The following DHX15 variants were observed in gnomAD, a reference collection of about 807,000 sequenced individuals.
DHX15 encodes the protein DEAH-box helicase 15, also known as ATP-dependent RNA helicase DHX15.
DHX15 carries 11 observed loss-of-function variants against 94.4 expected under a neutral mutation model. That is an observed-to-expected ratio of 0.12 (90% CI 0.07 to 0.19). The LOEUF is 0.19. Ranked by LOEUF, DHX15 falls within the 10% of genes least tolerant of loss-of-function variation. The pLI, the probability that DHX15 is intolerant of heterozygous loss-of-function variation, is 1.00. For missense variants in DHX15, 304 were observed against 988.5 expected (o/e 0.31, Z 9.29); for synonymous variants, 338 against 329.9 (o/e 1.02, Z -0.27).
chr4:24,553,901 C>T (rs1039975630), intron 5 of DHX15, among the ~76,000 whole-genome samples: 1 of 151,966 alleles, frequency 6.6e-6, no homozygotes, highest in Non-Finnish European at 1.5e-5. Flanking sequence ...CACCTATAAA[C>T]ACCCTATTGA....
At chr4:24,570,375 T>C (rs1246481205) in intron 3 of DHX15, among the ~76,000 whole-genome samples, 1 of 152,214 alleles carries the variant, frequency 6.6e-6, no homozygotes, top group Admixed American at 6.5e-5. Flanking sequence ...TACACCATTG[T>C]GTCTACTAAA....
chr4:24,558,639 T>C (rs1721794679), intron 3 of DHX15, among the ~76,000 whole-genome samples: 1 of 152,162 alleles, frequency 6.6e-6, no homozygotes, highest in Non-Finnish European at 1.5e-5. Flanking sequence ...ATACTGATCA[T>C]CACCCAGTGA....
At chr4:24,560,978 C>T (rs1389431981) in intron 3 of DHX15, among the ~76,000 whole-genome samples, 1 of 152,122 alleles carries the variant, frequency 6.6e-6, no homozygotes, top group Non-Finnish European at 1.5e-5. Context: ...TTACTGATTC[C>T]TTACTGGTGA....
chr4:24,570,915 C>T, intron 2 of DHX15, 68 bp from the exon 3 acceptor site: 1 of 1,469,818 alleles, frequency 6.8e-7, no homozygotes, highest in South Asian at 1.2e-5. Flanking sequence ...TAACATAAAG[C>T]ACTTTATCTC....
At chr4:24,554,502 A>G (rs1721680947) in intron 5 of DHX15, among the ~76,000 whole-genome samples, 1 of 152,244 alleles carries the variant, frequency 6.6e-6, no homozygotes, top group Non-Finnish European at 1.5e-5. Flanking sequence ...AAATTCCAAA[A>G]GCATTTAACA....
intron 1 of DHX15, 41 bp from the exon 2 acceptor site, chr4:24,576,719 C>G: frequency 6.3e-7 from 1 of 1,598,986 alleles, no homozygotes; most frequent in Non-Finnish European, 8.5e-7. Flanking sequence ...GAATTTTATG[C>G]AGAATGTTCA....
At chr4:24,564,551 A>AC (rs1173290480) in intron 3 of DHX15, among the ~76,000 whole-genome samples, 3 of 152,056 alleles carry the variant, frequency 2.0e-5, no homozygotes, top group African/African-American at 7.2e-5. Flanking sequence ...CATTCAAATC[A>AC]CCTTTTATTG....
At chr4:24,544,935 C>G (rs1721390767) in intron 6 of DHX15, among the ~76,000 whole-genome samples, 1 of 151,780 alleles carries the variant, frequency 6.6e-6, no homozygotes. Flanking sequence ...ATAGTAAAAC[C>G]CCACCTCTAC....
chr4:24,581,629 A>G (rs1267508633), intron 1 of DHX15, among the ~76,000 whole-genome samples: 2 of 152,194 alleles, frequency 1.3e-5, no homozygotes, highest in Admixed American at 1.3e-4. Flanking sequence ...GAAAATGTGC[A>G]TGCTCCACAA....
chr4:24,527,869 G>C lies in DHX15; in HGVS notation c.*55C>G. ...TGAAGAGCACAACTCGAACTTTTGAGTTCATTCATCTTTTAAAGCTGTCCT... is the reference window on the plus strand; with the variant it reads ...TGAAGAGCACAACTCGAACTTTTGACTTCATTCATCTTTTAAAGCTGTCCT... On this transcript the variant is annotated 3_prime_UTR_variant, in exon 14 of 14. Transcript: ENST00000336812. 7.6e-7 allele frequency: 1 copy of C among 1,323,840 alleles called. No individual in the cohort carries two copies. Among genetic ancestry groups the C allele is most frequent in the Non-Finnish European group, 1.1e-6 (1 of 920,108 alleles). 82.0% of individuals were successfully genotyped at this position (1,323,840 alleles called of 1,614,324 possible).
intron 2 of DHX15, among the ~76,000 whole-genome samples, chr4:24,572,840 AAC>A (rs1463439458): frequency 6.6e-6 from 1 of 152,222 alleles, no homozygotes; most frequent in East Asian, 1.9e-4. Context: ...TTCTAAGGAA[AAC>A]AGCATTAGGA....
intron 5 of DHX15, among the ~76,000 whole-genome samples, chr4:24,551,759 A>G (rs1350774795): frequency 2.0e-5 from 3 of 152,250 alleles, no homozygotes; most frequent in African/African-American, 7.2e-5. Context: ...TCCAACATTT[A>G]AGAGTATCTG....
intron 3 of DHX15, among the ~76,000 whole-genome samples, chr4:24,566,817 G>T (rs1012000142): frequency 6.6e-6 from 1 of 152,128 alleles, no homozygotes; most frequent in South Asian, 2.1e-4. Flanking sequence ...CAGATGAGAT[G>T]AGACTCTATC....
intron 3 of DHX15, among the ~76,000 whole-genome samples, chr4:24,558,636 T>C (rs1197687384): frequency 1.3e-5 from 2 of 152,164 alleles, no homozygotes; most frequent in Admixed American, 6.6e-5. Flanking sequence ...TCAATACTGA[T>C]CATCACCCAG....
At chr4:24,533,230 T>C (rs1408790868) in intron 11 of DHX15, 176 bp from the exon 12 acceptor site, 6 of 624,066 alleles carry the variant, frequency 9.6e-6, no homozygotes, top group African/African-American at 9.2e-5. Flanking sequence ...AGATCTGTAG[T>C]GTGATTCAAC....
chr4:24,566,164 C>A (rs745678896), intron 3 of DHX15, among the ~76,000 whole-genome samples: 60 of 152,090 alleles, frequency 3.9e-4, no homozygotes, highest in Admixed American at 1.9e-3. Context: ...TCACCTCATC[C>A]AAGTAGCTGG....
At chr4:24,538,379 C>T (rs997027860) in intron 10 of DHX15, 11 of 152,048 alleles carry the variant, frequency 7.2e-5, no homozygotes, top group African/African-American at 2.7e-4. Flanking sequence ...TATTAAAACT[C>T]TTGCTTAATT....
intron 3 of DHX15, among the ~76,000 whole-genome samples, chr4:24,558,986 G>A (rs1721804885): frequency 6.6e-6 from 1 of 152,114 alleles, no homozygotes. Context: ...CGAAAGATAT[G>A]CCCAGGTCCT....
At chr4:24,571,346 C>T (rs1399512070) in intron 2 of DHX15, among the ~76,000 whole-genome samples, 1 of 152,152 alleles carries the variant, frequency 6.6e-6, no homozygotes. Flanking sequence ...CTATCCTTTC[C>T]CCCTCAGGAG....
Sources: allele counts gnomAD v4.1 joint callset (sites outside exome capture counted in the v4.1 genomes callset), GRCh38; gene constraint gnomAD v4.1.1; transcripts MANE v1.5; gene names NCBI Gene and HGNC (gene_info 2026-07-23, HGNC 2026-07-21).